Variants in AGPAT4 observed in about 807,000 individuals in gnomAD.
AGPAT4 encodes the protein 1-acyl-sn-glycerol-3-phosphate acyltransferase delta.
Under a neutral mutation model 48.0 loss-of-function variants are expected in AGPAT4, and 15 were observed. That is an observed-to-expected ratio of 0.31 (90% CI 0.21 to 0.48). AGPAT4 has a LOEUF of 0.48. Ranked by LOEUF, AGPAT4 falls within the 20% of genes least tolerant of loss-of-function variation. The probability of loss-of-function intolerance (pLI) is 0.99; values close to 1 mark genes in which losing one functional copy is unlikely to be tolerated. For synonymous variants in AGPAT4, 178 were observed against 198.7 expected, an observed-to-expected ratio of 0.90 and a Z score of 0.88; for missense variants, 314 against 482.5, an observed-to-expected ratio of 0.65 and a Z score of 3.27.
In AGPAT4 at chr6:161,146,404, A is replaced by G; in HGVS notation, c.843+120T>C. On this transcript the variant is annotated intron_variant, in intron 7 of 8. Transcript: ENST00000320285. This position sits in a 1 kb window ranked among gnomAD's most constrained non-coding sequence, Gnocchi z 7.1. ...CCAAGAGAGGGTCAGCTCCAGACTC[A>G]CTAATAACTGGCTCTGTGAGATCTC... 2.3e-6 allele frequency: 2 copies of G among 870,286 alleles called. No homozygotes were observed. The highest frequency in any genetic ancestry group is 3.1e-5 in the South Asian group (2 of 65,280). The allele number at this position is 870,286 out of a possible 1,614,324, so 53.9% of individuals were successfully genotyped here.
In AGPAT4 at chr6:161,240,158, T is replaced by TA. The variant is rs1035024607; in HGVS notation, c.-89-7857dup. Among the ~76,000 whole-genome samples, 231 of 142,222 alleles carry TA rather than the reference T, an allele frequency of 1.6e-3. No individual in the cohort carries two copies. Among genetic ancestry groups the TA allele is most frequent in the African/African-American group, 5.0e-3 (193 of 38,784 alleles). The allele number at this position is 142,222 out of a possible 152,430, so 93.3% of individuals were successfully genotyped here. On this transcript the variant is annotated intron_variant, in intron 1 of 8. Transcript: ENST00000320285. The surrounding 1 kb of genome is among the most constrained non-coding windows in gnomAD (Gnocchi z 5.5). Reference sequence around the variant, plus strand: ...CATGTGGAGAAAATAATCACAACTCTAAAAAAAAAACCGGAAGAAAAGAAA... The same window carrying TA: ...CATGTGGAGAAAATAATCACAACTCTAAAAAAAAAAACCGGAAGAAAAGAAA...
rs1339034909 is a variant in AGPAT4 at position 161,219,896 on chromosome 6, CAGGCAGGCAGGCAGGCAGGCGGCA to C, written c.178+12116_178+12139del. ...ATAGGCAGGCAGGCAGGCAGGCAGG[CAGGCAGGCAGGCAGGCAGGCGGCA>C]GGCAGGCAGGCAGGCAGGCAGGCAG... On this transcript the variant is annotated intron_variant, in intron 2 of 8. Transcript: ENST00000320285. This position sits in a 1 kb window ranked among gnomAD's most constrained non-coding sequence, Gnocchi z 4.9. Among the ~76,000 whole-genome samples the C allele has an allele frequency of 1.5e-5, 2 of 136,302 alleles. No individual in the cohort carries two copies. Among genetic ancestry groups the C allele is most frequent in the African/African-American group, 6.3e-5 (2 of 31,788 alleles). 89.4% of individuals were successfully genotyped at this position (136,302 alleles called of 152,430 possible).
rs114493502 is a variant in AGPAT4, at chr6:161,146,493, T to G, written c.843+31A>C. 2,451 of 1,611,300 alleles carry G rather than the reference T, an allele frequency of 1.5e-3. 26 individuals carry two copies. In the African/African-American group the frequency reaches 0.029, roughly 19 times the overall value. ...ACACGGCGCACCCACAGCTGCAACG[T>G]GAAGGGACCCCTGGCACCCAGTGCA... On this transcript the variant is annotated intron_variant, in intron 7 of 8. Coordinates refer to ENST00000320285, the MANE Select transcript of AGPAT4 (RefSeq NM_020133.3). This position sits in a 1 kb window ranked among gnomAD's most constrained non-coding sequence, Gnocchi z 7.1.
At chr6:161,230,857 T>C (rs1421744876) in intron 2 of AGPAT4, among the ~76,000 whole-genome samples, 3 of 152,232 alleles carry the variant, frequency 2.0e-5, no homozygotes, top group African/African-American at 7.2e-5. Context: ...GCTCTTGCAC[T>C]CAAACTATAT....
Position 161,225,151 on chromosome 6 carries a change from G to T in AGPAT4, c.178+6885C>A, listed in dbSNP as rs1345320356. Among the ~76,000 whole-genome samples the T allele has an allele frequency of 6.7e-6, 1 of 150,220 alleles. No individual in the cohort carries two copies. The highest frequency in any genetic ancestry group is 2.5e-5 in the African/African-American group (1 of 40,730). On this transcript the variant is annotated intron_variant, in intron 2 of 8. Coordinates refer to ENST00000320285, the MANE Select transcript of AGPAT4 (RefSeq NM_020133.3). The surrounding 1 kb of genome is among the most constrained non-coding windows in gnomAD (Gnocchi z 5.0). ...CTGCTCCACCCTGACTCCTTCCGAT[G>T]ACCTGCTCCACCCTGACTCATTCCA... is the stretch of plus-strand genomic sequence containing the variant.
chr6:161,174,916 T>C (rs1780387038), intron 2 of AGPAT4, among the ~76,000 whole-genome samples: 1 of 152,262 alleles, frequency 6.6e-6, no homozygotes, highest in African/African-American at 2.4e-5. Flanking sequence ...GTGTGGTTTT[T>C]GTCTTTGGTT....
chr6:161,181,136 A>ACTT (rs1780575053), intron 2 of AGPAT4, among the ~76,000 whole-genome samples: 1 of 152,186 alleles, frequency 6.6e-6, no homozygotes, highest in Non-Finnish European at 1.5e-5. Context: ...ATAAACAGAA[A>ACTT]GGTGCCTCCC....
rs1781881266 is a variant in AGPAT4, at chr6:161,223,364, T to G, written c.178+8672A>C. Among the ~76,000 whole-genome samples the G allele has an allele frequency of 1.3e-5, 2 of 152,182 alleles. No homozygotes were observed. The highest frequency in any genetic ancestry group is 4.1e-4 in the South Asian group (2 of 4,826). On this transcript the variant is annotated intron_variant, in intron 2 of 8. Coordinates refer to ENST00000320285, the MANE Select transcript of AGPAT4 (RefSeq NM_020133.3). The surrounding 1 kb of genome is among the most constrained non-coding windows in gnomAD (Gnocchi z 6.3). ...CATCCTTGGGTGTTAAAATAAAAACTTGCATAGCATTTGACATTTGCTTAT... is the reference window on the plus strand; with the variant it reads ...CATCCTTGGGTGTTAAAATAAAAACGTGCATAGCATTTGACATTTGCTTAT...
rs777467164 is a variant in AGPAT4 at position 161,144,253 on chromosome 6, G to C, written c.843+2271C>G. The C allele has an allele frequency of 3.9e-6, 2 of 509,586 alleles. No homozygotes were observed. The highest frequency in any genetic ancestry group is 8.0e-6 in the Non-Finnish European group (2 of 248,480). The allele number at this position is 509,586 out of a possible 1,614,324, so 31.6% of individuals were successfully genotyped here. Reference sequence around the variant, plus strand: ...AGACACATACTGCTTAGAGAACTCGGTGTCGCCCCAGCCCTGCACGGAGAG... The same window carrying C: ...AGACACATACTGCTTAGAGAACTCGCTGTCGCCCCAGCCCTGCACGGAGAG... On this transcript the variant is annotated intron_variant, in intron 7 of 8. Transcript: ENST00000320285. This position sits in a 1 kb window ranked among gnomAD's most constrained non-coding sequence, Gnocchi z 6.6.
chr6:161,261,767 T>C lies in AGPAT4; in HGVS notation c.-90+12171A>G, dbSNP rs962595964. On this transcript the variant is annotated intron_variant, in intron 1 of 8. Coordinates refer to ENST00000320285, the MANE Select transcript of AGPAT4 (RefSeq NM_020133.3). The surrounding 1 kb of genome is among the most constrained non-coding windows in gnomAD (Gnocchi z 5.3). ...CTGGTTTTGCCCTCTTTATTCCTTT[T>C]CTCTTTCTTTATGAGTGGACCTTCG... 2.0e-5 allele frequency among the ~76,000 whole-genome samples: 3 copies of C among 152,198 alleles called. No individual in the cohort carries two copies. Among genetic ancestry groups the C allele is most frequent in the African/African-American group, 7.2e-5 (3 of 41,450 alleles).
rs1365529338 is a variant in AGPAT4, at chr6:161,154,727, G to A, written c.349-417C>T. 6.6e-6 allele frequency among the ~76,000 whole-genome samples: 1 copy of A among 152,244 alleles called. No individual in the cohort carries two copies. ...GCACCTCTTTTCTGCAGATCTCACT[G>A]AGTTTTGTGATATTACAAAATATAG... is the stretch of plus-strand genomic sequence containing the variant. On this transcript the variant is annotated intron_variant, in intron 3 of 8. Coordinates refer to ENST00000320285, the MANE Select transcript of AGPAT4 (RefSeq NM_020133.3). This position sits in a 1 kb window ranked among gnomAD's most constrained non-coding sequence, Gnocchi z 7.8.
chr6:161,253,475 C>T (rs1252374988), intron 1 of AGPAT4, among the ~76,000 whole-genome samples: 3 of 151,514 alleles, frequency 2.0e-5, no homozygotes, highest in East Asian at 2.0e-4. Flanking sequence ...AGTATGGTCT[C>T]GATCTCCTGA....
chr6:161,205,010 C>A (rs1224107042), intron 2 of AGPAT4, among the ~76,000 whole-genome samples: 1 of 152,182 alleles, frequency 6.6e-6, no homozygotes, highest in African/African-American at 2.4e-5. Flanking sequence ...AGGAAGCCAG[C>A]CTCAGCCTCA....
rs900755133 is a variant in AGPAT4 at position 161,191,718 on chromosome 6, T to C, written c.179-25301A>G. On this transcript the variant is annotated intron_variant, in intron 2 of 8. Transcript: ENST00000320285. ...ACATTTAAAATATCAGAAACAAAGA[T>C]TGTGTCAGATACAGATTACATGAGT... is the stretch of plus-strand genomic sequence containing the variant. Among the ~76,000 whole-genome samples, 9 of 152,230 alleles carry C rather than the reference T, an allele frequency of 5.9e-5. No individual in the cohort carries two copies. In the South Asian group the frequency reaches 6.2e-4, roughly 10 times the overall value.
intron 1 of AGPAT4, among the ~76,000 whole-genome samples, chr6:161,253,583 T>G (rs911111393): frequency 3.3e-5 from 5 of 151,916 alleles, no homozygotes; most frequent in African/African-American, 1.2e-4. Flanking sequence ...AAGGCAAAAA[T>G]AATATGTATC....
chr6:161,239,588 A>G (rs1328340451), intron 1 of AGPAT4, among the ~76,000 whole-genome samples: 2 of 152,220 alleles, frequency 1.3e-5, no homozygotes, highest in East Asian at 1.9e-4. Flanking sequence ...GTCCAAGAAG[A>G]ATTGCTGAAA....
chr6:161,130,642 C>T lies in AGPAT4; in HGVS notation c.*5898G>A, dbSNP rs1167326205. 3.3e-5 allele frequency: 9 copies of T among 270,330 alleles called. No individual in the cohort carries two copies. In the East Asian group the frequency reaches 6.5e-4, roughly 20 times the overall value. 16.7% of individuals were successfully genotyped at this position (270,330 alleles called of 1,614,324 possible). On this transcript the variant is annotated 3_prime_UTR_variant, in exon 9 of 9. Transcript: ENST00000320285. ...AGATCTCTTTCCTTGATAGAACAAG[C>T]AAAAGAGGGGCTGATCCATCTCCCG...
rs1781661279 is a variant in AGPAT4, at chr6:161,216,875, AT to A, written c.178+15160del. Among the ~76,000 whole-genome samples the A allele has an allele frequency of 6.6e-6, 1 of 152,172 alleles. No homozygotes were observed. The highest frequency in any genetic ancestry group is 2.4e-5 in the African/African-American group (1 of 41,438). On this transcript the variant is annotated intron_variant, in intron 2 of 8. Transcript: ENST00000320285. The surrounding 1 kb of genome is among the most constrained non-coding windows in gnomAD (Gnocchi z 4.8). ...TAGGTCCCTCCCACAATACGTGGGA[AT>A]TCTGGGAGATACAATTCAAGTTGAG...
chr6:161,244,614 AG>A lies in AGPAT4; in HGVS notation c.-89-12313del, dbSNP rs2115046946. Among the ~76,000 whole-genome samples, 1 of 152,324 alleles carries A rather than the reference AG, an allele frequency of 6.6e-6. No homozygotes were observed. Among genetic ancestry groups the A allele is most frequent in the South Asian group, 2.1e-4 (1 of 4,824 alleles). On this transcript the variant is annotated intron_variant, in intron 1 of 8. Transcript: ENST00000320285. The surrounding 1 kb of genome is among the most constrained non-coding windows in gnomAD (Gnocchi z 4.7). ...ACATTTTGATGCTGTGTGAGCAGACAGGCCAGGAAACCATGAGGATAATAAT... is the reference window on the plus strand; with the variant it reads ...ACATTTTGATGCTGTGTGAGCAGACAGCCAGGAAACCATGAGGATAATAAT...
Sources: allele counts gnomAD v4.1 joint callset (sites outside exome capture counted in the v4.1 genomes callset), GRCh38; gene constraint gnomAD v4.1.1; non-coding constraint Gnocchi (gnomAD v3.1); transcripts MANE v1.5; gene names NCBI Gene and HGNC (gene_info 2026-07-23, HGNC 2026-07-21).